The following FBXW10 variants were observed in gnomAD, a reference collection of about 807,000 sequenced individuals.
The protein encoded by FBXW10 is F-box/WD repeat-containing protein 10.
Under a neutral mutation model 113.1 loss-of-function variants are expected in FBXW10, and 68 were observed. The ratio of observed to expected loss-of-function variants is 0.60; its 90% CI spans 0.49 to 0.74. FBXW10 has a LOEUF of 0.74. Ranked by LOEUF, FBXW10 falls within the 30% of genes least tolerant of loss-of-function variation. FBXW10 has a pLI of 0.00. For synonymous variants in FBXW10, 289 were observed against 481.6 expected (o/e 0.60, Z 5.24); for missense variants, 753 against 1,284.5 (o/e 0.59, Z 6.32).
At chr17:18,762,265 A>G (rs1057202892) in intron 7 of FBXW10, among the ~76,000 whole-genome samples, 2 of 150,948 alleles carry the variant, frequency 1.3e-5, no homozygotes, top group Non-Finnish European at 2.9e-5. Context: ...CCTGGCCAAT[A>G]ATTGGTTTTT....
At chr17:18,756,934 T>G (rs1597593131) in intron 6 of FBXW10, among the ~76,000 whole-genome samples, 1 of 152,116 alleles carries the variant, frequency 6.6e-6, no homozygotes, top group East Asian at 1.9e-4. Flanking sequence ...AAAGGCAAAG[T>G]TGAGTTTTTA....
intron 9 of FBXW10, among the ~76,000 whole-genome samples, chr17:18,767,958 C>T (rs2035528893): frequency 6.6e-6 from 1 of 152,090 alleles, no homozygotes; most frequent in Non-Finnish European, 1.5e-5. Context: ...AGAGAGAGCT[C>T]TATGTGGAAT....
chr17:18,759,062 C>T (rs1291240176), intron 7 of FBXW10, among the ~76,000 whole-genome samples: 3 of 151,956 alleles, frequency 2.0e-5, no homozygotes, highest in East Asian at 1.9e-4. Context: ...CCCAGCTACT[C>T]GGGACGCTGA....
chr17:18,772,262 C>T (rs2035628695), intron 11 of FBXW10, 150 bp from the exon 12 acceptor site: 2 of 705,136 alleles, frequency 2.8e-6, no homozygotes, highest in South Asian at 3.7e-5. Flanking sequence ...CACCACTCTC[C>T]ACCCTCCAGC....
At chr17:18,777,095 T>C (rs1007410125) in intron 13 of FBXW10, among the ~76,000 whole-genome samples, 1 of 144,538 alleles carries the variant, frequency 6.9e-6, no homozygotes, top group African/African-American at 2.6e-5. Context: ...GGAGTCTCAC[T>C]CTGTTGCCCA....
rs144567782 is a variant in FBXW10, at chr17:18,766,715, A to G, written c.1557A>G (p.Val519=). The G allele has an allele frequency of 7.7e-5, 125 of 1,613,316 alleles. 2 individuals are homozygous for G. The highest frequency in any genetic ancestry group is 5.0e-4 in the Middle Eastern group (3 of 6,056). ...VSGGRDCQVK[V]WDVDTGKCLK... is the part of the protein sequence containing the mutation. ...TTCCTCTCTCTCCCTCCTGTTCAGTATGGGATGTAGACACAGGGAAGTGCC... is the reference window on the plus strand; with the variant it reads ...TTCCTCTCTCTCCCTCCTGTTCAGTGTGGGATGTAGACACAGGGAAGTGCC... The change falls in exon 9 of 14, where the codon GTA becomes GTG. Residue 519 remains valine (V), a splice_region_variant and synonymous_variant. Transcript: ENST00000395665.
rs568555990 is a variant in FBXW10, at chr17:18,744,457, C to T, written c.213C>T (p.His71=). The change falls in exon 1 of 14, where the codon CAC becomes CAT. Residue 71 remains histidine (H), a synonymous_variant. Transcript: ENST00000395665. The part of the protein sequence containing the change: ...LKQLNSLYLL[H]YFQNILQTTQ... ...AGTTAAATAGCTTATATTTGTTACA[C>T]TATTTCCAAAATATCCTTCAGACCA... The T allele has an allele frequency of 1.6e-5, 26 of 1,613,742 alleles. No homozygotes were observed. The South Asian group carries it at 2.2e-4, about 14-fold the overall frequency.
chr17:18,778,625 G>A lies in FBXW10; in HGVS notation c.2486G>A (p.Gly829Glu), dbSNP rs767836752. 5 of 1,613,814 alleles carry A rather than the reference G, an allele frequency of 3.1e-6. No homozygotes were observed. The South Asian group carries it at 4.4e-5, about 14-fold the overall frequency. ...GCCCTGCAGCACGCCCATAATTCCG[G>A]GGAATTTGCCTATCCCTGTAGGCCC... ...VSALQHAHNS[G>E]EFAYPCRPQT... The change falls in exon 14 of 14, where the codon GGG becomes GAG. Residue 829 changes from glycine (G) to glutamate (E), a missense_variant. Gly to Glu is a moderately conservative substitution (Grantham distance 98). Coordinates refer to ENST00000395665, the MANE Select transcript of FBXW10 (RefSeq NM_001267585.2).
intron 6 of FBXW10, 52 bp from the exon 7 acceptor site, chr17:18,758,253 G>A: frequency 7.2e-7 from 1 of 1,390,548 alleles, no homozygotes; most frequent in South Asian, 1.4e-5. Context: ...GTCAGTCCCA[G>A]GAGGGACACT....
chr17:18,751,672 C>G (rs942065530), intron 5 of FBXW10, among the ~76,000 whole-genome samples: 8 of 152,220 alleles, frequency 5.3e-5, no homozygotes, highest in Non-Finnish European at 1.2e-4. Context: ...GTGGCAAGTT[C>G]AGAGGCCAGG....
intron 1 of FBXW10, among the ~76,000 whole-genome samples, chr17:18,746,414 T>C (rs1179408128): frequency 6.6e-6 from 1 of 151,866 alleles, no homozygotes; most frequent in Admixed American, 6.6e-5. Flanking sequence ...GTTTTGGAGT[T>C]TTAGCTCTTG....
intron 11 of FBXW10, among the ~76,000 whole-genome samples, chr17:18,771,978 G>A (rs1251469359): frequency 1.3e-5 from 2 of 152,018 alleles, no homozygotes; most frequent in African/African-American, 2.4e-5. Context: ...GTGGTGGTGC[G>A]TACCTGTAAT....
chr17:18,747,604 G>T (rs2151786541), intron 1 of FBXW10, among the ~76,000 whole-genome samples: 1 of 152,184 alleles, frequency 6.6e-6, no homozygotes, highest in East Asian at 1.9e-4. Context: ...GTTCTATTTT[G>T]ACTCGAGGGT....
intron 12 of FBXW10, among the ~76,000 whole-genome samples, chr17:18,774,627 C>T: frequency 6.6e-6 from 1 of 152,126 alleles, no homozygotes; most frequent in East Asian, 1.9e-4. Flanking sequence ...AACCCCGTCT[C>T]TACTAAAAAT....
chr17:18,762,088 G>A (rs536654572), intron 7 of FBXW10, among the ~76,000 whole-genome samples: 247 of 151,080 alleles, frequency 1.6e-3, no homozygotes, highest in Non-Finnish European at 1.7e-3. Context: ...TCAGCCTCCC[G>A]AGTAGCTGGG....
At chr17:18,745,219 C>T (rs2035017900) in intron 1 of FBXW10, 1 of 988,792 alleles carries the variant, frequency 1.0e-6, no homozygotes, top group Non-Finnish European at 1.2e-6. Context: ...CTCTACCATG[C>T]TCCTTGCTTA....
chr17:18,764,171 C>A (rs1450809023), intron 7 of FBXW10, among the ~76,000 whole-genome samples: 1 of 142,854 alleles, frequency 7.0e-6, no homozygotes, highest in African/African-American at 2.6e-5. Context: ...CCATTTAATT[C>A]TTCACAAAAA....
chr17:18,770,023 G>A lies in FBXW10; in HGVS notation c.1944G>A (p.Met648Ile), dbSNP rs1481507540. 1 of 1,614,228 alleles carries A rather than the reference G, an allele frequency of 6.2e-7. No homozygotes were observed. The highest frequency in any genetic ancestry group is 1.7e-5 in the Admixed American group (1 of 60,030). ...RIYNFLNGNC[M>I]KVLKANGRGD... ...ACAATTTCCTCAACGGGAACTGTAT[G>A]AAGGTGTTAAAAGCCAATGGCAGAG... The change falls in exon 11 of 14, where the codon ATG becomes ATA. Residue 648 changes from methionine to isoleucine, a missense_variant. Met to Ile is a conservative substitution (Grantham distance 10). Transcript: ENST00000395665.
chr17:18,753,737 G>T (rs1223363935), intron 5 of FBXW10, among the ~76,000 whole-genome samples: 1 of 151,976 alleles, frequency 6.6e-6, no homozygotes, highest in Non-Finnish European at 1.5e-5. Flanking sequence ...AGCCAGGCAT[G>T]GTGGTGCATG....
Sources: allele counts gnomAD v4.1 joint callset (sites outside exome capture counted in the v4.1 genomes callset), GRCh38; gene constraint gnomAD v4.1.1; transcripts MANE v1.5; gene names NCBI Gene and HGNC (gene_info 2026-07-23, HGNC 2026-07-21).